Variants in C14orf132 observed in about 807,000 individuals in gnomAD.
The protein encoded by C14orf132 is chromosome 14 open reading frame 132.
A neutral mutation model predicts 5.8 loss-of-function variants in C14orf132; 6 were observed. The ratio of observed to expected loss-of-function variants is 1.03; its 90% CI spans 0.57 to 2.04. C14orf132 has a LOEUF of 2.04. Ranked by LOEUF, C14orf132 falls within the 30% of genes most tolerant of loss-of-function variation. The pLI, the probability that C14orf132 is intolerant of heterozygous loss-of-function variation, is 0.00. For synonymous variants in C14orf132, 51 were observed against 49.8 expected (o/e 1.02, Z -0.10); for missense variants, 125 against 115.8 (o/e 1.08, Z -0.37).
intron 1 of C14orf132, among the ~76,000 whole-genome samples, chr14:96,063,583 G>C (rs553812166): frequency 6.6e-6 from 1 of 152,232 alleles, no homozygotes; most frequent in East Asian, 1.9e-4. Flanking sequence ...TGCTGGGATT[G>C]CAGGGGTGAG....
Position 96,069,256 on chromosome 14 carries a change from CATATATATAT to C in C14orf132, c.28-17214_28-17205del, listed in dbSNP as rs55648129. ...ATATGTTATTGGTTCTGTTTATGTT[CATATATATAT>C]ATATATATATATATATATATATATA... On this transcript the variant is annotated intron_variant, in intron 1 of 1. Transcript: ENST00000555004. Among the ~76,000 whole-genome samples, 415 of 95,094 alleles carry C rather than the reference CATATATATAT, an allele frequency of 4.4e-3. 3 individuals are homozygous for C. Among genetic ancestry groups the C allele is most frequent in the Non-Finnish European group, 7.1e-3 (324 of 45,814 alleles). 62.4% of individuals were successfully genotyped at this position (95,094 alleles called of 152,430 possible).
At chr14:96,085,275 G>A (rs1474279863) in intron 1 of C14orf132, among the ~76,000 whole-genome samples, 1 of 152,248 alleles carries the variant, frequency 6.6e-6, no homozygotes, top group Non-Finnish European at 1.5e-5. Flanking sequence ...TGCATCCGAT[G>A]CAGGCCTCAC....
intron 1 of C14orf132, among the ~76,000 whole-genome samples, chr14:96,068,452 T>C (rs1289255821): frequency 6.6e-6 from 1 of 152,172 alleles, no homozygotes; most frequent in Non-Finnish European, 1.5e-5. Context: ...TGGGCGCTGA[T>C]TCCAGCCTTC....
intron 1 of C14orf132, among the ~76,000 whole-genome samples, chr14:96,049,619 C>CGTATATAT (rs1886961863): frequency 3.3e-5 from 3 of 91,706 alleles, no homozygotes; most frequent in African/African-American, 1.4e-4. Context: ...TACATATATA[C>CGTATATAT]GTATATATAT....
chr14:96,059,262 G>A (rs75637703), intron 1 of C14orf132, among the ~76,000 whole-genome samples: 2,794 of 152,284 alleles, frequency 0.018, 44 homozygotes, highest in Admixed American at 0.04. Flanking sequence ...TCCAGCCTAG[G>A]CGACAGAATG....
chr14:96,064,022 G>A (rs550719328), intron 1 of C14orf132, among the ~76,000 whole-genome samples: 33 of 152,020 alleles, frequency 2.2e-4, no homozygotes, highest in Non-Finnish European at 4.4e-4. Flanking sequence ...ACCACAATGC[G>A]ATACCACCTT....
At position 96,093,814 on chromosome 14, in the gene C14orf132, A is replaced by G. The variant is rs1366109329; in HGVS notation, c.*7079A>G. 6.6e-6 allele frequency: 1 copy of G among 152,234 alleles called. No homozygotes were observed. The highest frequency in any genetic ancestry group is 1.5e-5 in the Non-Finnish European group (1 of 68,048). 9.4% of individuals were successfully genotyped at this position (152,234 alleles called of 1,614,324 possible). On this transcript the variant is annotated 3_prime_UTR_variant, in exon 2 of 2. Coordinates refer to ENST00000555004, the MANE Select transcript of C14orf132 (RefSeq NM_001252507.3). ...AAAGACGTAAAAATGTATCTGTGAA[A>G]TCTCACTTTGTTAGCGTTGCTGCTG...
rs935781703 is a variant in C14orf132, at chr14:96,063,403, G to A, written c.28-23108G>A. ...GGCTCACTGTAACGTCTGTCTCCTG[G>A]TTTCAAGTGATTCTCCTGCCTCAGC... On this transcript the variant is annotated intron_variant, in intron 1 of 1. Transcript: ENST00000555004. Among the ~76,000 whole-genome samples the A allele has an allele frequency of 3.3e-5, 5 of 152,098 alleles. No individual in the cohort carries two copies. The East Asian group carries it at 9.6e-4, about 29-fold the overall frequency.
intron 1 of C14orf132, among the ~76,000 whole-genome samples, chr14:96,059,388 C>T (rs1887277790): frequency 1.3e-5 from 2 of 152,226 alleles, no homozygotes; most frequent in African/African-American, 2.4e-5. Context: ...AGTAATGACA[C>T]AGCTTGACAT....
Position 96,039,583 on chromosome 14 carries a change from G to C in C14orf132, c.27+56G>C. The C allele has an allele frequency of 2.7e-6, 4 of 1,468,436 alleles. No homozygotes were observed. The South Asian group carries it at 5.2e-5, about 19-fold the overall frequency. 91.0% of individuals were successfully genotyped at this position (1,468,436 alleles called of 1,614,324 possible). A position where few individuals can be genotyped will look rare whatever the true frequency, so the allele number is the denominator to read the frequency against. ...GCCGCCAAGTTTGGGGAGGTTCGGG[G>C]CCACGGTCTCGCCCTCCACGCTGGG... On this transcript the variant is annotated intron_variant, in intron 1 of 1. Coordinates refer to ENST00000555004, the MANE Select transcript of C14orf132 (RefSeq NM_001252507.3). This position sits in a 1 kb window ranked among gnomAD's most constrained non-coding sequence, Gnocchi z 5.3.
chr14:96,054,424 A>T (rs2139651878), intron 1 of C14orf132, among the ~76,000 whole-genome samples: 1 of 152,164 alleles, frequency 6.6e-6, no homozygotes, highest in East Asian at 1.9e-4. Flanking sequence ...GGCACCTGAG[A>T]TGGGGAGGCA....
rs761906862 is a variant in C14orf132, at chr14:96,086,658, G to A, written c.175G>A (p.Val59Ile). 1.8e-5 allele frequency: 28 copies of A among 1,536,042 alleles called. No individual in the cohort carries two copies. The highest frequency in any genetic ancestry group is 1.4e-4 in the South Asian group (12 of 84,064). ...TCCTCCTCGGTCCTCCAACGACGCC[G>A]TCTTGCTATGGATTGCCATCATAGC... is the stretch of plus-strand genomic sequence containing the variant. ...EDPPRSSNDA[V>I]LLWIAIIATL... Residue 59 changes from valine (V) to isoleucine (I), a missense_variant, in exon 2 of 2, where the codon GTC becomes ATC. Coordinates refer to ENST00000555004, the MANE Select transcript of C14orf132 (RefSeq NM_001252507.3).
In C14orf132 at chr14:96,039,837, C is replaced by G. The variant is rs1314784467; in HGVS notation, c.27+310C>G. On this transcript the variant is annotated intron_variant, in intron 1 of 1. Transcript: ENST00000555004. The surrounding 1 kb of genome is among the most constrained non-coding windows in gnomAD (Gnocchi z 5.3). ...GAGTCGCCCCCTTCTGCCCATCCCC[C>G]ACTGCTGTCCCCCTTCTGGGGTCCC... 6.6e-6 allele frequency among the ~76,000 whole-genome samples: 1 copy of G among 152,186 alleles called. No individual in the cohort carries two copies. The highest frequency in any genetic ancestry group is 1.5e-5 in the Non-Finnish European group (1 of 68,004).
intron 1 of C14orf132, among the ~76,000 whole-genome samples, chr14:96,071,483 G>A (rs112044337): frequency 0.015 from 2,333 of 152,298 alleles, 76 homozygotes; most frequent in African/African-American, 0.053. Context: ...AAGCAAGCCA[G>A]TCTCTTCTCC....
intron 1 of C14orf132, among the ~76,000 whole-genome samples, chr14:96,045,678 G>A (rs1351499049): frequency 3.3e-5 from 5 of 152,200 alleles, no homozygotes; most frequent in African/African-American, 1.2e-4. Context: ...CATGCACTCT[G>A]GTTGTTTTAA....
At position 96,083,378 on chromosome 14, in the gene C14orf132, C is replaced by G. The variant is rs73349655; in HGVS notation, c.28-3133C>G. 1.6e-3 allele frequency among the ~76,000 whole-genome samples: 246 copies of G among 152,252 alleles called. 1 individual carries two copies. The highest frequency in any genetic ancestry group is 5.6e-3 in the African/African-American group (232 of 41,544). Reference sequence around the variant, plus strand: ...TATGGTCAGCAGAGTGATGCCCCCACCAAGGATGTCCACGTCCTAACCCCT... The same window carrying G: ...TATGGTCAGCAGAGTGATGCCCCCAGCAAGGATGTCCACGTCCTAACCCCT... On this transcript the variant is annotated intron_variant, in intron 1 of 1. Coordinates refer to ENST00000555004, the MANE Select transcript of C14orf132 (RefSeq NM_001252507.3).
Position 96,090,394 on chromosome 14 carries a change from AAAAAAAAAAAAGAAAAG to A in C14orf132, c.*3673_*3689del, listed in dbSNP as rs1278233269. On this transcript the variant is annotated 3_prime_UTR_variant, in exon 2 of 2. Transcript: ENST00000555004. ...CAACAGAACGAGACTCTGTCTCAAA[AAAAAAAAAAAAGAAAAG>A]AAAAAAAAAAAGAGCAACTTACTGC... 2.1e-5 allele frequency: 6 copies of A among 285,744 alleles called. No individual in the cohort carries two copies. Among genetic ancestry groups the A allele is most frequent in the African/African-American group, 1.3e-4 (6 of 44,586 alleles). 17.7% of individuals were successfully genotyped at this position (285,744 alleles called of 1,614,324 possible).
chr14:96,071,840 C>T (rs545377891), intron 1 of C14orf132, among the ~76,000 whole-genome samples: 2 of 152,232 alleles, frequency 1.3e-5, no homozygotes, highest in East Asian at 1.9e-4. Flanking sequence ...TGGTGGACAT[C>T]GCCTTGTGCC....
rs148991022 is a variant in C14orf132 at position 96,052,714 on chromosome 14, G to A, written c.27+13187G>A. On this transcript the variant is annotated intron_variant, in intron 1 of 1. Transcript: ENST00000555004. ...ACCAAGTCCCCCACCCTTGCCCCAC[G>A]TCCTCAAACTCCCCAGTCCCCAGCG... is the stretch of plus-strand genomic sequence containing the variant. 2.3e-3 allele frequency among the ~76,000 whole-genome samples: 350 copies of A among 150,602 alleles called. 2 individuals are homozygous for A. Among genetic ancestry groups the A allele is most frequent in the African/African-American group, 8.1e-3 (330 of 40,780 alleles).
Sources: allele counts gnomAD v4.1 joint callset (sites outside exome capture counted in the v4.1 genomes callset), GRCh38; gene constraint gnomAD v4.1.1; non-coding constraint Gnocchi (gnomAD v3.1); transcripts MANE v1.5; gene names NCBI Gene and HGNC (gene_info 2026-07-23, HGNC 2026-07-21).